Variants in LCLAT1 observed in about 807,000 individuals in gnomAD.
LCLAT1 encodes 1-AGP acyltransferase 8.
A neutral mutation model predicts 30.7 loss-of-function variants in LCLAT1; 11 were observed. The ratio of observed to expected loss-of-function variants is 0.36; its 90% CI spans 0.23 to 0.59. The LOEUF (loss-of-function observed/expected upper bound fraction) is 0.59, where lower values mean the gene tolerates loss of function less well. LCLAT1 is among the 20% of genes least tolerant of loss of function. LCLAT1 has a pLI of 0.77. For missense variants in LCLAT1, 402 were observed against 458.6 expected (o/e 0.88, Z 1.13); for synonymous variants, 155 against 151.3 (o/e 1.02, Z -0.18).
intron 5 of LCLAT1, among the ~76,000 whole-genome samples, chr2:30,577,861 T>C (rs1039343514): frequency 6.6e-6 from 1 of 152,130 alleles, no homozygotes; most frequent in Non-Finnish European, 1.5e-5. Flanking sequence ...CTGCCTGATT[T>C]TGATGGCCGA....
intron 3 of LCLAT1, among the ~76,000 whole-genome samples, chr2:30,551,601 G>A (rs1664682356): frequency 1.3e-5 from 2 of 152,166 alleles, no homozygotes; most frequent in Admixed American, 1.3e-4. Context: ...AACAGTTTTA[G>A]AGGTTTGATG....
intron 5 of LCLAT1, among the ~76,000 whole-genome samples, chr2:30,582,378 T>G (rs1031241501): frequency 6.6e-6 from 1 of 152,210 alleles, no homozygotes; most frequent in East Asian, 1.9e-4. Flanking sequence ...AGGCACCACC[T>G]TGAAGAATAT....
chr2:30,494,659 T>C (rs1329381823), intron 1 of LCLAT1, among the ~76,000 whole-genome samples: 2 of 151,622 alleles, frequency 1.3e-5, no homozygotes, highest in Middle Eastern at 3.2e-3. Context: ...TAACCTATAG[T>C]AGGCATTCTT....
intron 1 of LCLAT1, among the ~76,000 whole-genome samples, chr2:30,509,790 C>G (rs1157979520): frequency 6.6e-6 from 1 of 152,110 alleles, no homozygotes; most frequent in African/African-American, 2.4e-5. Flanking sequence ...TCTCAAACTC[C>G]TGACCTCGAA....
At chr2:30,571,327 T>C (rs1384971899) in intron 5 of LCLAT1, among the ~76,000 whole-genome samples, 1 of 152,182 alleles carries the variant, frequency 6.6e-6, no homozygotes, top group African/African-American at 2.4e-5. Context: ...AACATGCAGG[T>C]TACATATATA....
chr2:30,519,188 A>C lies in LCLAT1; in HGVS notation c.-4-6399A>C, dbSNP rs114691471. On this transcript the variant is annotated intron_variant, in intron 1 of 5. Transcript: ENST00000379509. ...AACTGTTGGATGTGCCTCACCCTGC[A>C]CTTCAGGCCATACATTTCAATCCCT... Among the ~76,000 whole-genome samples, 1,487 of 152,270 alleles carry C rather than the reference A, an allele frequency of 9.8e-3. 23 individuals are homozygous for C. The highest frequency in any genetic ancestry group is 0.033 in the African/African-American group (1,385 of 41,546).
At chr2:30,618,635 AAT>A (rs1176817500) in intron 5 of LCLAT1, among the ~76,000 whole-genome samples, 5 of 152,298 alleles carry the variant, frequency 3.3e-5, no homozygotes, top group African/African-American at 1.2e-4. Context: ...GTGATGAAAT[AAT>A]ATGTACAACA....
intron 5 of LCLAT1, among the ~76,000 whole-genome samples, chr2:30,639,316 T>C (rs1319469390): frequency 6.6e-6 from 1 of 152,154 alleles, no homozygotes; most frequent in Non-Finnish European, 1.5e-5. Flanking sequence ...GTTGAGAACA[T>C]CTTGAGTGAG....
At chr2:30,537,107 C>T (rs143140207) in intron 3 of LCLAT1, among the ~76,000 whole-genome samples, 5 of 152,254 alleles carry the variant, frequency 3.3e-5, no homozygotes, top group Admixed American at 2.6e-4. Context: ...GTTGGCCGGG[C>T]GCGGTGGCTC....
At chr2:30,597,760 G>T (rs186734626) in intron 5 of LCLAT1, among the ~76,000 whole-genome samples, 202 of 152,286 alleles carry the variant, frequency 1.3e-3, no homozygotes, top group African/African-American at 4.6e-3. Context: ...TGCCCATTCA[G>T]TGTAATCCTG....
chr2:30,485,390 C>T (rs989440992), intron 1 of LCLAT1, among the ~76,000 whole-genome samples: 1 of 152,074 alleles, frequency 6.6e-6, no homozygotes, highest in Non-Finnish European at 1.5e-5. Flanking sequence ...ATTTTTAAGG[C>T]AGTATCGTGC....
intron 5 of LCLAT1, among the ~76,000 whole-genome samples, chr2:30,621,500 C>A (rs550132120): frequency 1.3e-5 from 2 of 152,228 alleles, no homozygotes; most frequent in Non-Finnish European, 1.5e-5. Flanking sequence ...AGACTCACAT[C>A]GTGGGCTTTT....
At position 30,540,580 on chromosome 2, in the gene LCLAT1, T is replaced by C. The variant is rs369985462; in HGVS notation, c.364+7266T>C. 1.2e-4 allele frequency among the ~76,000 whole-genome samples: 19 copies of C among 152,260 alleles called. No individual in the cohort carries two copies. The East Asian group carries it at 3.3e-3, about 26-fold the overall frequency. On this transcript the variant is annotated intron_variant, in intron 3 of 5. Coordinates refer to ENST00000379509, the MANE Select transcript of LCLAT1 (RefSeq NM_001002257.3). ...TTTCATTACACTCTCAAAAACATGG[T>C]GCTATGAAATACCTGGGTCTTTGGC...
At chr2:30,491,697 T>C (rs552071814) in intron 1 of LCLAT1, among the ~76,000 whole-genome samples, 1 of 152,342 alleles carries the variant, frequency 6.6e-6, no homozygotes, top group South Asian at 2.1e-4. Context: ...AGAGAGAATA[T>C]TTATTTATAG....
At chr2:30,501,856 A>G (rs1458292079) in intron 1 of LCLAT1, among the ~76,000 whole-genome samples, 2 of 152,214 alleles carry the variant, frequency 1.3e-5, no homozygotes, top group East Asian at 3.8e-4. Flanking sequence ...TTTTATATGT[A>G]TGAAAAACAT....
intron 3 of LCLAT1, among the ~76,000 whole-genome samples, chr2:30,548,625 A>G (rs1046969959): frequency 1.3e-5 from 2 of 152,166 alleles, no homozygotes; most frequent in African/African-American, 4.8e-5. Context: ...GTTTCTTATC[A>G]GATTTAAAAG....
At chr2:30,492,494 T>C (rs1488259369) in intron 1 of LCLAT1, among the ~76,000 whole-genome samples, 1 of 151,290 alleles carries the variant, frequency 6.6e-6, no homozygotes, top group Non-Finnish European at 1.5e-5. Flanking sequence ...TTTCAAAAAT[T>C]AACTTGGGGC....
At chr2:30,453,751 C>T (rs927487822) in intron 1 of LCLAT1, among the ~76,000 whole-genome samples, 1 of 145,952 alleles carries the variant, frequency 6.9e-6, no homozygotes, top group South Asian at 2.1e-4. Flanking sequence ...GTAAACATGA[C>T]GGCTATGAAA....
At chr2:30,608,401 AAGTGTACAGTGTTTATTAAAGTCTACAGT>A (rs1422185522) in intron 5 of LCLAT1, among the ~76,000 whole-genome samples, 1 of 152,010 alleles carries the variant, frequency 6.6e-6, no homozygotes, top group Non-Finnish European at 1.5e-5. Flanking sequence ...AGTGTAGCCT[AAGTGTACAGTGTTTATTAAAGTCTACAGT>A]AGTGTACAGT....
Sources: gnomAD v4.1 joint callset for allele counts (sites outside exome capture counted in the v4.1 genomes callset) on GRCh38, gnomAD v4.1.1 for gene constraint, MANE v1.5 for transcripts, NCBI Gene and HGNC (gene_info 2026-07-23, HGNC 2026-07-21) for gene names.